The following UBXN2B variants were observed in gnomAD, a reference collection of about 807,000 sequenced individuals.
The protein encoded by UBXN2B is UBX domain protein 2B, also known as UBX domain-containing protein 2B.
Under a neutral mutation model 37.5 loss-of-function variants are expected in UBXN2B, and 19 were observed. That is an observed-to-expected ratio of 0.51 (90% CI 0.35 to 0.74). UBXN2B has a LOEUF of 0.74. Ranked by LOEUF, UBXN2B falls within the 30% of genes least tolerant of loss-of-function variation. The pLI is 0.01. For synonymous variants in UBXN2B, 145 were observed against 143.8 expected (o/e 1.01, Z -0.06); for missense variants, 370 against 393.2 (o/e 0.94, Z 0.50).
rs1218551420 is a variant in UBXN2B, at chr8:58,448,727, A to G, written c.*1176A>G. On this transcript the variant is annotated 3_prime_UTR_variant, in exon 8 of 8. Transcript: ENST00000399598. ...GGACTAGATCTAAAGAATTACCAGC[A>G]TAAATGTTTGCATTTCTGCTGAAGC... The G allele has an allele frequency of 1.3e-5, 2 of 152,620 alleles. No individual in the cohort carries two copies. The highest frequency in any genetic ancestry group is 4.8e-5 in the African/African-American group (2 of 41,450). 9.5% of individuals were successfully genotyped at this position (152,620 alleles called of 1,614,324 possible).
At chr8:58,427,073 G>A (rs1808119334) in intron 2 of UBXN2B, among the ~76,000 whole-genome samples, 1 of 152,204 alleles carries the variant, frequency 6.6e-6, no homozygotes, top group Non-Finnish European at 1.5e-5. Flanking sequence ...AATAGGACTG[G>A]CAATACTATA....
intron 2 of UBXN2B, among the ~76,000 whole-genome samples, chr8:58,428,143 C>G (rs1585605867): frequency 6.6e-6 from 1 of 152,142 alleles, no homozygotes; most frequent in African/African-American, 2.4e-5. Flanking sequence ...CCTTGAGATT[C>G]AGTAGCACAA....
chr8:58,417,215 A>T (rs1338832869), intron 2 of UBXN2B, among the ~76,000 whole-genome samples: 1 of 152,194 alleles, frequency 6.6e-6, no homozygotes, highest in Non-Finnish European at 1.5e-5. Context: ...TAGATATCAT[A>T]TGAAATTATA....
chr8:58,422,006 G>A (rs563688387), intron 2 of UBXN2B, among the ~76,000 whole-genome samples: 9 of 152,312 alleles, frequency 5.9e-5, no homozygotes, highest in Admixed American at 3.9e-4. Context: ...CTTGTGTGCT[G>A]GTGAAAGACT....
chr8:58,443,434 A>G (rs1585619872), intron 6 of UBXN2B, among the ~76,000 whole-genome samples: 1 of 152,178 alleles, frequency 6.6e-6, no homozygotes, highest in African/African-American at 2.4e-5. Context: ...GGCTTGATCA[A>G]TTGAATGATA....
chr8:58,419,422 A>G (rs556662628), intron 2 of UBXN2B, among the ~76,000 whole-genome samples: 2 of 152,314 alleles, frequency 1.3e-5, no homozygotes, highest in South Asian at 4.1e-4. Context: ...CAGTTTCATT[A>G]TCTGAAACTC....
intron 1 of UBXN2B, among the ~76,000 whole-genome samples, chr8:58,415,393 T>C (rs943009695): frequency 5.3e-5 from 8 of 152,178 alleles, no homozygotes; most frequent in African/African-American, 1.9e-4. Flanking sequence ...CTGAAAACTT[T>C]AGACCCTAGT....
intron 6 of UBXN2B, among the ~76,000 whole-genome samples, 199 bp from the exon 7 acceptor site, chr8:58,445,708 A>C (rs185045718): frequency 2.8e-4 from 43 of 152,326 alleles, no homozygotes; most frequent in African/African-American, 1.0e-3. Flanking sequence ...AAATGAGGAA[A>C]GGATGCAAAG....
intron 2 of UBXN2B, among the ~76,000 whole-genome samples, chr8:58,421,272 C>T (rs928240066): frequency 6.6e-6 from 1 of 151,954 alleles, no homozygotes; most frequent in African/African-American, 2.4e-5. Context: ...TTTCAAAAGA[C>T]CTTGATTTCA....
intron 7 of UBXN2B, 34 bp downstream of exon 7, chr8:58,446,102 G>GTTA (rs755629780): frequency 6.4e-7 from 1 of 1,572,378 alleles, no homozygotes; most frequent in South Asian, 1.2e-5. Context: ...CCTGTTTGCT[G>GTTA]TTATATACAC....
chr8:58,440,643 C>T (rs1173840370), intron 6 of UBXN2B, among the ~76,000 whole-genome samples: 1 of 152,214 alleles, frequency 6.6e-6, no homozygotes, highest in Non-Finnish European at 1.5e-5. Context: ...TATGGAATTG[C>T]CACATTGGCA....
rs1808772551 is a variant in UBXN2B at position 58,450,138 on chromosome 8, A to G, written c.*2587A>G. On this transcript the variant is annotated 3_prime_UTR_variant, in exon 8 of 8. Coordinates refer to ENST00000399598, the MANE Select transcript of UBXN2B (RefSeq NM_001077619.2). ...ATATCTTCATCACTTTCTCTAGAGT[A>G]AAGGCTGTCCTGACGGTGAATCTTA... is the stretch of plus-strand genomic sequence containing the variant. 6.6e-6 allele frequency: 1 copy of G among 152,224 alleles called. No individual in the cohort carries two copies. Among genetic ancestry groups the G allele is most frequent in the African/African-American group, 2.4e-5 (1 of 41,456 alleles). The allele number at this position is 152,224 out of a possible 1,614,324, so 9.4% of individuals were successfully genotyped here.
chr8:58,413,648 T>C (rs1807698577), intron 1 of UBXN2B, among the ~76,000 whole-genome samples: 1 of 152,088 alleles, frequency 6.6e-6, no homozygotes, highest in South Asian at 2.1e-4. Flanking sequence ...GTAGGGTTTG[T>C]CAGCATCTGA....
At position 58,439,764 on chromosome 8, in the gene UBXN2B, T is replaced by G; in HGVS notation, c.665T>G (p.Leu222Arg). 1 of 1,593,556 alleles carries G rather than the reference T, an allele frequency of 6.3e-7. No individual in the cohort carries two copies. The highest frequency in any genetic ancestry group is 1.2e-5 in the South Asian group (1 of 85,976). ...GCTTTTAGTGGAGAAGGGCAAAAACTTGGAAGGTAAAAATCCTAAAATGAG... is the reference window on the plus strand; with the variant it reads ...GCTTTTAGTGGAGAAGGGCAAAAACGTGGAAGGTAAAAATCCTAAAATGAG... ...FKAFSGEGQKLGSLTPEIVST... is the reference protein window; with the variant it reads ...FKAFSGEGQKRGSLTPEIVST... Residue 222 changes from leucine to arginine, a missense_variant, in exon 6 of 8, where the codon CTT (leucine) becomes CGT (arginine). Leu to Arg is a moderately radical substitution (Grantham distance 102). This residue lies in a region of UBXN2B where 90 missense variants were observed against 139.4 expected (regional missense o/e 0.65). Coordinates refer to ENST00000399598, the MANE Select transcript of UBXN2B (RefSeq NM_001077619.2).
chr8:58,438,272 G>A (rs1178398456), intron 5 of UBXN2B, among the ~76,000 whole-genome samples: 1 of 152,210 alleles, frequency 6.6e-6, no homozygotes, highest in East Asian at 1.9e-4. Context: ...ATGTGAGGTT[G>A]GAGCCCCCAG....
chr8:58,415,213 A>T (rs1318283800), intron 1 of UBXN2B, among the ~76,000 whole-genome samples: 1 of 152,148 alleles, frequency 6.6e-6, no homozygotes, highest in African/African-American at 2.4e-5. Context: ...TAAGAAGATT[A>T]GAAAAGGTTT....
At chr8:58,434,324 G>T in intron 4 of UBXN2B, 71 bp from the exon 5 acceptor site, 1 of 415,530 alleles carries the variant, frequency 2.4e-6, no homozygotes, top group Non-Finnish European at 3.8e-6. Flanking sequence ...TTATTTGGGG[G>T]AGATATATTC....
chr8:58,445,786 T>G (rs1330343974), intron 6 of UBXN2B, 121 bp from the exon 7 acceptor site: 7 of 786,602 alleles, frequency 8.9e-6, no homozygotes, highest in Non-Finnish European at 1.1e-5. Context: ...TTTAATATAA[T>G]GAAAGAGGTT....
intron 7 of UBXN2B, 114 bp from the exon 8 acceptor site, chr8:58,447,275 A>G (rs1013179800): frequency 1.0e-5 from 10 of 976,376 alleles, no homozygotes; most frequent in Non-Finnish European, 1.3e-5. Flanking sequence ...AAAGAAAGTT[A>G]CAACACCTTT....
Sources: gnomAD v4.1 joint callset for allele counts (sites outside exome capture counted in the v4.1 genomes callset) on GRCh38, gnomAD v4.1.1 for gene constraint, gnomAD v4.1.1 regional missense constraint, MANE v1.5 for transcripts, NCBI Gene and HGNC (gene_info 2026-07-23, HGNC 2026-07-21) for gene names.